The following KLHL25 variants were observed in gnomAD, a reference collection of about 807,000 sequenced individuals.
The protein encoded by KLHL25 is kelch like family member 25, also known as kelch-like protein 25.
Under a neutral mutation model 30.0 loss-of-function variants are expected in KLHL25, and 41 were observed. The ratio of observed to expected loss-of-function variants is 1.37; its 90% confidence interval spans 1.07 to 1.78. The LOEUF is 1.78. Ranked by LOEUF, KLHL25 falls within the 40% of genes most tolerant of loss-of-function variation. The probability of loss-of-function intolerance (pLI) is 0.00; values close to 1 mark genes in which losing one functional copy is unlikely to be tolerated. For missense variants in KLHL25, 971 were observed against 824.5 expected (o/e 1.18, Z -2.18); for synonymous variants, 399 against 355.3 (o/e 1.12, Z -1.38).
rs201381188 is a variant in KLHL25, at chr15:85,769,250, G to T, written c.561C>A (p.Ser187Arg). 8.7e-6 allele frequency: 14 copies of T among 1,613,750 alleles called. 1 individual carries two copies. Among genetic ancestry groups the T allele is most frequent in the Middle Eastern group, 1.6e-4 (1 of 6,084 alleles). ...ETVRQSEDFNSLSKDTLLDLI... is the reference protein window; with the variant it reads ...ETVRQSEDFNRLSKDTLLDLI... ...GGTCCAGCAGTGTGTCCTTGGACAG[G>T]CTGTTGAAGTCCTCGCTCTGCCTCA... is the stretch of plus-strand genomic sequence containing the variant. Residue 187 changes from serine (S) to arginine (R), a missense_variant, in exon 2 of 3, where the codon AGC (serine) becomes AGA (arginine). Ser to Arg is a moderately radical substitution (Grantham distance 110, BLOSUM62 -1). Coordinates refer to ENST00000337975, the MANE Select transcript of KLHL25 (RefSeq NM_022480.4).
At chr15:85,776,985 G>A (rs920965607) in intron 1 of KLHL25, among the ~76,000 whole-genome samples, 60 of 152,080 alleles carry the variant, frequency 3.9e-4, no homozygotes, top group Admixed American at 3.9e-3. Flanking sequence ...GAAGCCACAA[G>A]AATTGTGAAA....
At chr15:85,793,327 A>C (rs1421255200) in intron 1 of KLHL25, among the ~76,000 whole-genome samples, 1 of 152,126 alleles carries the variant, frequency 6.6e-6, no homozygotes, top group Admixed American at 6.5e-5. Flanking sequence ...CCCTTTTATC[A>C]ACCACCCTGG....
intron 1 of KLHL25, among the ~76,000 whole-genome samples, chr15:85,784,356 C>T (rs2089765240): frequency 6.6e-6 from 1 of 151,970 alleles, no homozygotes; most frequent in Admixed American, 6.6e-5. Flanking sequence ...TGATGAAACC[C>T]CGGTATCTAC....
intron 1 of KLHL25, among the ~76,000 whole-genome samples, chr15:85,771,513 A>C (rs2002909): frequency 0.36 from 55,140 of 152,200 alleles, 10,661 homozygotes; most frequent in Non-Finnish European, 0.44. Context: ...CCTCCTCTGG[A>C]AAAGAGGCAG....
At chr15:85,783,627 G>T (rs2089759585) in intron 1 of KLHL25, among the ~76,000 whole-genome samples, 1 of 151,214 alleles carries the variant, frequency 6.6e-6, no homozygotes. Context: ...AGGAGGTGCA[G>T]CTTGCAGTGA....
chr15:85,778,214 A>G (rs2089722209), intron 1 of KLHL25, among the ~76,000 whole-genome samples: 1 of 152,220 alleles, frequency 6.6e-6, no homozygotes, highest in Non-Finnish European at 1.5e-5. Context: ...AGCTCTGGAA[A>G]GCATAGCACT....
At chr15:85,788,056 CAAAAA>C (rs60547525) in intron 1 of KLHL25, among the ~76,000 whole-genome samples, 12 of 58,304 alleles carry the variant, frequency 2.1e-4, no homozygotes, top group African/African-American at 4.4e-4. Flanking sequence ...AACTAGATCT[CAAAAA>C]AAAAAAAAAA....
rs1203403443 is a variant in KLHL25, at chr15:85,789,383, A to G, written c.-11+5383T>C. Among the ~76,000 whole-genome samples, 1 of 132,812 alleles carries G rather than the reference A, an allele frequency of 7.5e-6. No homozygotes were observed. Among genetic ancestry groups the G allele is most frequent in the Non-Finnish European group, 1.7e-5 (1 of 59,576 alleles). 87.1% of individuals were successfully genotyped at this position (132,812 alleles called of 152,430 possible). On this transcript the variant is annotated intron_variant, in intron 1 of 2. Coordinates refer to ENST00000337975, the MANE Select transcript of KLHL25 (RefSeq NM_022480.4). This position sits in a 1 kb window ranked among gnomAD's most constrained non-coding sequence, Gnocchi z 4.1. The stretch of plus-strand genomic sequence containing the variant: ...TCCTGCCCTGCTGGGCTCCCTTGAG[A>G]TCCCTTTTTTTTTTTTTGACAGAAT...
chr15:85,769,344 G>C lies in KLHL25; in HGVS notation c.467C>G (p.Ser156Trp). The C allele has an allele frequency of 6.2e-7, 1 of 1,614,086 alleles. No homozygotes were observed. The highest frequency in any genetic ancestry group is 8.5e-7 in the Non-Finnish European group (1 of 1,180,004). Residue 156 changes from serine to tryptophan, a missense_variant, in exon 2 of 3, where the codon TCG becomes TGG. Transcript: ENST00000337975. ...PSNCLGMMLL[S>W]DAHQCRRLYE... is the part of the protein sequence containing the mutation. ...CAGCCGGCGGCACTGGTGGGCGTCC[G>C]AGAGCAGCATCATGCCCAGGCAGTT...
intron 1 of KLHL25, among the ~76,000 whole-genome samples, chr15:85,787,502 G>A (rs1288267211): frequency 3.3e-5 from 5 of 152,174 alleles, no homozygotes; most frequent in African/African-American, 1.2e-4. Flanking sequence ...TATTATTAGT[G>A]AAAGAGTAAA....
chr15:85,766,025 A>G (rs1172240172), intron 2 of KLHL25, among the ~76,000 whole-genome samples: 1 of 152,192 alleles, frequency 6.6e-6, no homozygotes, highest in African/African-American at 2.4e-5. Flanking sequence ...AGGCTGAGCC[A>G]TCAGCTTCCA....
chr15:85,767,950 G>C, intron 2 of KLHL25, 67 bp downstream of exon 2: 1 of 1,022,460 alleles, frequency 9.8e-7, no homozygotes, highest in Non-Finnish European at 1.4e-6. Context: ...CCAGTGGGAA[G>C]AGGTGGGACT....
chr15:85,771,476 C>T (rs1353555092), intron 1 of KLHL25, among the ~76,000 whole-genome samples: 1 of 152,186 alleles, frequency 6.6e-6, no homozygotes, highest in Non-Finnish European at 1.5e-5. Flanking sequence ...AATGAGTGTC[C>T]GGCTACATGG....
rs749588157 is a variant in KLHL25, at chr15:85,768,504, T to C, written c.1307A>G (p.Asn436Ser). 5 of 1,613,794 alleles carry C rather than the reference T, an allele frequency of 3.1e-6. No individual in the cohort carries two copies. The highest frequency in any genetic ancestry group is 1.1e-5 in the South Asian group (1 of 91,080). The change falls in exon 2 of 3, where the codon AAT (asparagine) becomes AGT (serine). Residue 436 changes from asparagine to serine, a missense_variant. Asn to Ser is a conservative substitution (Grantham distance 46, BLOSUM62 1). Transcript: ENST00000337975. ...MVAPLRDGVS[N>S]AAVVSAKLKL... The stretch of plus-strand genomic sequence containing the variant: ...CAGCTTGGCACTCACCACTGCGGCA[T>C]TGCTGACGCCATCCCGCAAGGGGGC...
intron 1 of KLHL25, among the ~76,000 whole-genome samples, chr15:85,786,816 C>T (rs902185563): frequency 2.0e-5 from 3 of 152,212 alleles, no homozygotes; most frequent in East Asian, 1.9e-4. Flanking sequence ...ATTTCCATTT[C>T]GCTAGTAAAA....
At chr15:85,782,515 C>A (rs2089750249) in intron 1 of KLHL25, among the ~76,000 whole-genome samples, 1 of 150,956 alleles carries the variant, frequency 6.6e-6, no homozygotes, top group South Asian at 2.1e-4. Context: ...GGCTTTAGCT[C>A]TCCCCCTCCC....
At position 85,769,405 on chromosome 15, in the gene KLHL25, C is replaced by G; in HGVS notation, c.406G>C (p.Ala136Pro). Residue 136 changes from alanine (A) to proline (P), a missense_variant, in exon 2 of 3, where the codon GCC (alanine) becomes CCC (proline). Physicochemically the swap from Ala to Pro is conservative, Grantham distance 27 (BLOSUM62 -1). Coordinates refer to ENST00000337975, the MANE Select transcript of KLHL25 (RefSeq NM_022480.4). Reference protein sequence around the residue: ...MLQFHDVRDAAAEFLEKNLFP... With the variant: ...MLQFHDVRDAPAEFLEKNLFP... ...AGGTTCTTCTCCAGGAACTCGGCGGCAGCATCCCGCACATCGTGGAACTGC... is the reference window on the plus strand; with the variant it reads ...AGGTTCTTCTCCAGGAACTCGGCGGGAGCATCCCGCACATCGTGGAACTGC... 2 of 1,614,158 alleles carry G rather than the reference C, an allele frequency of 1.2e-6. No individual in the cohort carries two copies. Among genetic ancestry groups the G allele is most frequent in the Non-Finnish European group, 1.7e-6 (2 of 1,180,034 alleles).
In KLHL25 at chr15:85,776,172, CAAAAAAAAA is replaced by C. The variant is rs60382493; in HGVS notation, c.-10-6361_-10-6353del. ...TGGGCGACAGAGCGAGACTCTGTCTCAAAAAAAAAAAAAAGAAAGAAAGAAAGAAATGCA... is the reference window on the plus strand; with the variant it reads ...TGGGCGACAGAGCGAGACTCTGTCTCAAAAAGAAAGAAAGAAAGAAATGCA... On this transcript the variant is annotated intron_variant, in intron 1 of 2. Transcript: ENST00000337975. Among the ~76,000 whole-genome samples the C allele has an allele frequency of 4.7e-5, 6 of 127,360 alleles. No individual in the cohort carries two copies. The South Asian group carries it at 1.5e-3, about 32-fold the overall frequency. The allele number at this position is 127,360 out of a possible 152,430, so 83.6% of individuals were successfully genotyped here. A position where few individuals can be genotyped will look rare whatever the true frequency, so the allele number is the denominator to read the frequency against.
intron 1 of KLHL25, among the ~76,000 whole-genome samples, chr15:85,793,624 A>G (rs1200004464): frequency 6.6e-6 from 1 of 152,210 alleles, no homozygotes; most frequent in East Asian, 1.9e-4. Flanking sequence ...GCTTGGCCCC[A>G]TAACGGTCAC....
Sources: allele counts gnomAD v4.1 joint callset (sites outside exome capture counted in the v4.1 genomes callset), GRCh38; gene constraint gnomAD v4.1.1; non-coding constraint Gnocchi (gnomAD v3.1); transcripts MANE v1.5; gene names NCBI Gene and HGNC (gene_info 2026-07-23, HGNC 2026-07-21).